Variants in SLIT1 observed in about 807,000 individuals in gnomAD.
SLIT1 encodes the protein slit guidance ligand 1.
In SLIT1, 66 loss-of-function variants were observed where a neutral mutation model predicts 186.1. The observed-to-expected ratio is 0.35, with a 90% CI of 0.29 to 0.44. The LOEUF (loss-of-function observed/expected upper bound fraction) is 0.44, where lower values mean the gene tolerates loss of function less well. Ranked by LOEUF, SLIT1 falls within the 20% of genes least tolerant of loss-of-function variation. The probability of loss-of-function intolerance (pLI) is 1.00; values close to 1 mark genes in which losing one functional copy is unlikely to be tolerated. For synonymous variants in SLIT1, 761 were observed against 833.8 expected (o/e 0.91, Z 1.50); for missense variants, 1,638 against 2,037.4 (o/e 0.80, Z 3.77).
chr10:97,185,618 C>G lies in SLIT1; in HGVS notation c.57G>C (p.Trp19Cys). The G allele has an allele frequency of 1.3e-6, 2 of 1,563,838 alleles. No individual in the cohort carries two copies. Among genetic ancestry groups the G allele is most frequent in the South Asian group, 2.3e-5 (2 of 86,522 alleles). Residue 19 changes from tryptophan to cysteine, a missense_variant, in exon 1 of 37, where the codon TGG becomes TGC. Physicochemically the swap from Trp to Cys is radical, Grantham distance 215. Coordinates refer to ENST00000266058, the MANE Select transcript of SLIT1 (RefSeq NM_003061.3). ...SSAGPVRPEL[W>C]LLLWAAAWRL... ...GCCACGCGGCTGCCCACAGCAGCAG[C>G]CAGAGCTCCGGCCGGACCGGCCCCG...
In SLIT1 at chr10:97,157,867, G is replaced by A. The variant is rs1362893522; in HGVS notation, c.364C>T (p.His122Tyr). Residue 122 changes from histidine (H) to tyrosine (Y), a missense_variant, in exon 4 of 37, where the codon CAC becomes TAC. This residue lies in a region of SLIT1 where 1,245 missense variants were observed against 1,535.3 expected (regional missense o/e 0.81). Coordinates refer to ENST00000266058, the MANE Select transcript of SLIT1 (RefSeq NM_003061.3). ...TGGAACAGCAGTTCCGGTAACATGTGCAGCTGGTTTCGGTTCAGTCGCCTA... is the reference window on the plus strand; with the variant it reads ...TGGAACAGCAGTTCCGGTAACATGTACAGCTGGTTTCGGTTCAGTCGCCTA... Reference protein sequence around the residue: ...ERLRLNRNQLHMLPELLFQNN... With the variant: ...ERLRLNRNQLYMLPELLFQNN... The A allele has an allele frequency of 1.2e-6, 2 of 1,614,002 alleles. No individual in the cohort carries two copies.
At chr10:97,115,148 T>C (rs1473344668) in intron 4 of SLIT1, among the ~76,000 whole-genome samples, 1 of 152,236 alleles carries the variant, frequency 6.6e-6, no homozygotes, top group Non-Finnish European at 1.5e-5. Context: ...GATCATGTAG[T>C]TTGAAGGCTG....
At chr10:97,033,038 TTTTC>T (rs1295432327) in intron 23 of SLIT1, among the ~76,000 whole-genome samples, 34 of 150,728 alleles carry the variant, frequency 2.3e-4, no homozygotes, top group Non-Finnish European at 4.6e-4. Flanking sequence ...ATAGCACTCT[TTTTC>T]TTTCTTTCTT....
chr10:97,154,075 A>G (rs1219081727), intron 4 of SLIT1: 1 of 152,226 alleles, frequency 6.6e-6, no homozygotes, highest in Admixed American at 6.5e-5. Flanking sequence ...GAGTTAACAG[A>G]GATACTTTAG....
At chr10:97,057,701 T>A in intron 11 of SLIT1, 1 of 402,926 alleles carries the variant, frequency 2.5e-6, no homozygotes, top group Admixed American at 3.9e-5. Context: ...AAAAATAGAA[T>A]GCCAGACGGC....
chr10:97,136,592 A>C (rs114515712), intron 4 of SLIT1, among the ~76,000 whole-genome samples: 2,222 of 152,300 alleles, frequency 0.015, 49 homozygotes, highest in African/African-American at 0.049. Flanking sequence ...ATCTCCTTAC[A>C]CGAAAATAAA....
intron 4 of SLIT1, among the ~76,000 whole-genome samples, chr10:97,111,623 A>G (rs1422841860): frequency 6.6e-6 from 1 of 152,242 alleles, no homozygotes; most frequent in Non-Finnish European, 1.5e-5. Flanking sequence ...GTGCAATTCA[A>G]TCCAACACAT....
At chr10:97,003,233 G>C (rs1429221798) in intron 34 of SLIT1, among the ~76,000 whole-genome samples, 4 of 152,270 alleles carry the variant, frequency 2.6e-5, no homozygotes, top group African/African-American at 9.6e-5. Flanking sequence ...GTGGTGGCCA[G>C]CTGCTGCGTG....
intron 36 of SLIT1, among the ~76,000 whole-genome samples, 154 bp from the exon 37 acceptor site, chr10:97,001,504 G>T (rs754489478): frequency 6.6e-6 from 1 of 152,108 alleles, no homozygotes; most frequent in Admixed American, 6.5e-5. Context: ...GCATACTTCC[G>T]CCTCCCACTG....
chr10:97,001,910 C>T (rs530047272), intron 36 of SLIT1, among the ~76,000 whole-genome samples: 4 of 152,066 alleles, frequency 2.6e-5, no homozygotes, highest in Non-Finnish European at 5.9e-5. Flanking sequence ...TGGGTGGTCT[C>T]TTCTGCAAGG....
At chr10:97,108,809 A>G (rs1337431381) in intron 4 of SLIT1, among the ~76,000 whole-genome samples, 2 of 144,296 alleles carry the variant, frequency 1.4e-5, no homozygotes, top group Non-Finnish European at 3.0e-5. Flanking sequence ...AATCGCTTGA[A>G]CCTGGTAGGC....
chr10:97,171,734 G>T (rs563352528), intron 1 of SLIT1, among the ~76,000 whole-genome samples: 2 of 151,844 alleles, frequency 1.3e-5, no homozygotes, highest in African/African-American at 4.8e-5. Flanking sequence ...CAGGAAAATC[G>T]CTTGAACCCA....
intron 4 of SLIT1, among the ~76,000 whole-genome samples, chr10:97,138,307 G>A (rs928681505): frequency 5.9e-5 from 9 of 152,294 alleles, no homozygotes; most frequent in Middle Eastern, 3.4e-3. Flanking sequence ...CCCCACTTAC[G>A]GGCCTCCGGG....
At chr10:97,034,349 C>T (rs1361403311) in intron 23 of SLIT1, 122 bp downstream of exon 23, 3 of 756,274 alleles carry the variant, frequency 4.0e-6, no homozygotes, top group Non-Finnish European at 4.8e-6. Flanking sequence ...GCCCGGCACC[C>T]TCTCCAGAGG....
At chr10:97,156,576 C>T (rs1849954936) in intron 4 of SLIT1, among the ~76,000 whole-genome samples, 1 of 152,016 alleles carries the variant, frequency 6.6e-6, no homozygotes, top group Non-Finnish European at 1.5e-5. Context: ...CATCTCGTCT[C>T]AAAAATAAGT....
At chr10:97,056,523 A>C in intron 12 of SLIT1, 59 bp from the exon 13 acceptor site, 15 of 1,578,314 alleles carry the variant, frequency 9.5e-6, no homozygotes, top group African/African-American at 1.3e-5. Flanking sequence ...GACCCATCTC[A>C]GGTCCTGGGC....
chr10:97,100,911 G>A (rs374553835), intron 4 of SLIT1, among the ~76,000 whole-genome samples: 2 of 152,352 alleles, frequency 1.3e-5, no homozygotes, highest in Middle Eastern at 3.4e-3. Context: ...GTGCTGCTGC[G>A]TATTTCTAGG....
At chr10:97,024,419 C>A (rs926440704) in intron 25 of SLIT1, among the ~76,000 whole-genome samples, 1 of 152,176 alleles carries the variant, frequency 6.6e-6, no homozygotes, top group African/African-American at 2.4e-5. Context: ...AGGGAGAAGA[C>A]AGACAAGCAC....
At position 97,062,591 on chromosome 10, in the gene SLIT1, AG is replaced by A. The variant is rs1337891688; in HGVS notation, c.793+863del. Among the ~76,000 whole-genome samples the A allele has an allele frequency of 3.9e-5, 6 of 152,348 alleles. 1 individual carries two copies. Among genetic ancestry groups the A allele is most frequent in the African/African-American group, 1.4e-4 (6 of 41,588 alleles). ...CTGGGCCCTGCCCTGCAGGGTGAGG[AG>A]GAGTCGGCAGGCAACAAAGAGGGAA... is the stretch of plus-strand genomic sequence containing the variant. On this transcript the variant is annotated intron_variant, in intron 8 of 36. Transcript: ENST00000266058.
Sources: allele counts gnomAD v4.1 joint callset (sites outside exome capture counted in the v4.1 genomes callset), GRCh38; gene constraint gnomAD v4.1.1; regional missense constraint gnomAD v4.1.1; transcripts MANE v1.5; gene names NCBI Gene and HGNC (gene_info 2026-07-23, HGNC 2026-07-21).